The following RCAN2 variants were observed in gnomAD, a reference collection of about 807,000 sequenced individuals.
The protein encoded by RCAN2 is calcipressin-2.
A neutral mutation model predicts 23.6 loss-of-function variants in RCAN2; 9 were observed. The ratio of observed to expected loss-of-function variants is 0.38; its 90% CI spans 0.23 to 0.67. The LOEUF (loss-of-function observed/expected upper bound fraction) is 0.67. Ranked by LOEUF, RCAN2 falls within the 30% of genes least tolerant of loss-of-function variation. RCAN2 has a pLI of 0.51. For synonymous variants in RCAN2, 109 were observed against 115.7 expected, an observed-to-expected ratio of 0.94 and a Z score of 0.37; for missense variants, 273 against 302.3, an observed-to-expected ratio of 0.90 and a Z score of 0.72.
At chr6:46,281,387 G>A (rs1219659061) in intron 2 of RCAN2, among the ~76,000 whole-genome samples, 3 of 152,206 alleles carry the variant, frequency 2.0e-5, no homozygotes, top group Non-Finnish European at 4.4e-5. Context: ...TGCCATCTGG[G>A]AATGAATGTT....
intron 2 of RCAN2, among the ~76,000 whole-genome samples, chr6:46,304,843 A>T (rs1299891106): frequency 3.9e-5 from 6 of 152,122 alleles, no homozygotes; most frequent in African/African-American, 1.4e-4. Context: ...TAAAGACAGT[A>T]TTTAACACCT....
At chr6:46,375,041 G>T (rs1019529539) in intron 2 of RCAN2, among the ~76,000 whole-genome samples, 2 of 152,012 alleles carry the variant, frequency 1.3e-5, no homozygotes, top group African/African-American at 4.8e-5. Context: ...CCAGTAGCTG[G>T]CATTACAGCC....
intron 2 of RCAN2, among the ~76,000 whole-genome samples, chr6:46,334,595 T>C (rs1254381771): frequency 1.3e-5 from 2 of 152,036 alleles, no homozygotes; most frequent in East Asian, 1.9e-4. Context: ...TGAGAAGTCA[T>C]AGGGACAATG....
intron 2 of RCAN2, among the ~76,000 whole-genome samples, chr6:46,267,138 T>G (rs1246094605): frequency 6.6e-6 from 1 of 152,192 alleles, no homozygotes; most frequent in Admixed American, 6.5e-5. Flanking sequence ...TAGTTAAAAG[T>G]TATGGGCAAG....
intron 2 of RCAN2, among the ~76,000 whole-genome samples, chr6:46,267,470 C>A (rs1173282711): frequency 2.0e-5 from 3 of 152,094 alleles, no homozygotes; most frequent in African/African-American, 7.2e-5. Context: ...CACTTGAGCC[C>A]AGGAGTTTGA....
chr6:46,409,749 T>C (rs937920356), intron 2 of RCAN2, among the ~76,000 whole-genome samples: 5 of 152,232 alleles, frequency 3.3e-5, no homozygotes, highest in African/African-American at 1.2e-4. Context: ...TAAAATACTT[T>C]TGATCAAAGT....
chr6:46,396,482 C>T (rs1035396966), intron 2 of RCAN2, among the ~76,000 whole-genome samples: 13 of 152,158 alleles, frequency 8.5e-5, no homozygotes, highest in Non-Finnish European at 1.6e-4. Context: ...CCCTACCATT[C>T]GCTGGCACTG....
rs116016697 is a variant in RCAN2 at position 46,448,618 on chromosome 6, T to C, written c.225+8134A>G. 7.0e-3 allele frequency among the ~76,000 whole-genome samples: 1,070 copies of C among 151,936 alleles called. 11 individuals are homozygous for C. The highest frequency in any genetic ancestry group is 0.025 in the African/African-American group (1,019 of 41,526). ...AACCAAATTCAACAGCACATTAAAA[T>C]GATTGTTCACCACAATCAAGTGAGA... On this transcript the variant is annotated intron_variant, in intron 2 of 4. Transcript: ENST00000371374.
chr6:46,355,673 A>C (rs1471687800), intron 2 of RCAN2, among the ~76,000 whole-genome samples: 1 of 152,170 alleles, frequency 6.6e-6, no homozygotes, highest in Admixed American at 6.6e-5. Context: ...GGAAATCTTC[A>C]GTTTTGTTAT....
chr6:46,263,517 G>A (rs1232818509), intron 2 of RCAN2, among the ~76,000 whole-genome samples: 21 of 63,798 alleles, frequency 3.3e-4, no homozygotes, highest in African/African-American at 1.0e-3. Flanking sequence ...GTGTGTATGT[G>A]TGTATGTGTG....
chr6:46,323,655 C>G (rs1374035515), intron 2 of RCAN2, among the ~76,000 whole-genome samples: 3 of 152,170 alleles, frequency 2.0e-5, no homozygotes. Context: ...ATCTACCCAT[C>G]TTTAAGTATC....
chr6:46,268,702 C>T (rs1767424590), intron 2 of RCAN2, among the ~76,000 whole-genome samples: 1 of 152,186 alleles, frequency 6.6e-6, no homozygotes, highest in Non-Finnish European at 1.5e-5. Context: ...CAGAATATGA[C>T]TCCATTGTTT....
intron 2 of RCAN2, among the ~76,000 whole-genome samples, chr6:46,259,988 T>C (rs1172732330): frequency 6.6e-6 from 1 of 152,208 alleles, no homozygotes; most frequent in Admixed American, 6.5e-5. Flanking sequence ...CTCTACATGT[T>C]CAGCAACCTG....
chr6:46,363,421 A>T (rs533003065), intron 2 of RCAN2, among the ~76,000 whole-genome samples: 1 of 152,192 alleles, frequency 6.6e-6, no homozygotes, highest in Non-Finnish European at 1.5e-5. Context: ...AATAAATTTC[A>T]CTTTAAAAAT....
chr6:46,325,327 C>A, intron 2 of RCAN2: 1 of 1,577,404 alleles, frequency 6.3e-7, no homozygotes, highest in East Asian at 2.2e-5. Flanking sequence ...TTTCTTCATG[C>A]TAAAAAGGCT....
At chr6:46,244,882 T>C (rs1320138206) in intron 4 of RCAN2, among the ~76,000 whole-genome samples, 4 of 152,254 alleles carry the variant, frequency 2.6e-5, no homozygotes, top group Non-Finnish European at 4.4e-5. Flanking sequence ...TATCTGTGCA[T>C]AGGAGTCAAA....
intron 2 of RCAN2, among the ~76,000 whole-genome samples, chr6:46,370,250 C>T (rs1299298081): frequency 6.6e-6 from 1 of 152,190 alleles, no homozygotes; most frequent in East Asian, 1.9e-4. Flanking sequence ...GACTAAGCCC[C>T]TGCCAGGCCT....
At chr6:46,226,832 A>G (rs1325853703) in intron 4 of RCAN2, among the ~76,000 whole-genome samples, 1 of 152,068 alleles carries the variant, frequency 6.6e-6, no homozygotes, top group Non-Finnish European at 1.5e-5. Context: ...GTTGAATAGG[A>G]GTGGTGAGAG....
chr6:46,225,088 C>T (rs535157255), intron 4 of RCAN2, among the ~76,000 whole-genome samples: 4 of 152,236 alleles, frequency 2.6e-5, no homozygotes, highest in Non-Finnish European at 5.9e-5. Context: ...CAGCTTCATC[C>T]GTGTCCCTAC....
Sources: allele counts gnomAD v4.1 joint callset (sites outside exome capture counted in the v4.1 genomes callset), GRCh38; gene constraint gnomAD v4.1.1; transcripts MANE v1.5; gene names NCBI Gene and HGNC (gene_info 2026-07-23, HGNC 2026-07-21).